Variants in RIT2 observed in about 807,000 individuals in gnomAD.
RIT2 encodes GTP-binding protein Rit2.
RIT2 carries 24 observed loss-of-function variants against 23.7 expected under a neutral mutation model. That is an observed-to-expected ratio of 1.01 (90% CI 0.73 to 1.43). The LOEUF is 1.43. Among genes scored for constraint, RIT2 ranks in the 40% most tolerant of loss-of-function variants. The pLI is 0.00. For synonymous variants in RIT2, 107 were observed against 91.1 expected (o/e 1.17, Z -0.99); for missense variants, 236 against 266.9 (o/e 0.88, Z 0.81).
At chr18:42,765,864 C>T (rs1360463931) in intron 4 of RIT2, among the ~76,000 whole-genome samples, 2 of 151,872 alleles carry the variant, frequency 1.3e-5, no homozygotes, top group Non-Finnish European at 2.9e-5. Flanking sequence ...CTGGTCTTTC[C>T]CGTGCTATTC....
intron 4 of RIT2, among the ~76,000 whole-genome samples, chr18:42,804,499 G>A (rs1905623707): frequency 6.9e-6 from 1 of 144,950 alleles, no homozygotes; most frequent in Admixed American, 7.2e-5. Context: ...AGATTGCAGT[G>A]AGCTGAGATT....
At chr18:43,063,088 T>A (rs1598767500) in intron 1 of RIT2, among the ~76,000 whole-genome samples, 1 of 152,282 alleles carries the variant, frequency 6.6e-6, no homozygotes, top group East Asian at 1.9e-4. Flanking sequence ...CAGATTTAGA[T>A]CAAACTATAC....
chr18:42,976,001 T>C (rs1210884011), intron 2 of RIT2, among the ~76,000 whole-genome samples: 1 of 152,152 alleles, frequency 6.6e-6, no homozygotes, highest in Non-Finnish European at 1.5e-5. Context: ...TGTGACTATT[T>C]TCTAATTTCC....
At chr18:43,078,656 G>C (rs1394422538) in intron 1 of RIT2, among the ~76,000 whole-genome samples, 1 of 152,194 alleles carries the variant, frequency 6.6e-6, no homozygotes, top group Non-Finnish European at 1.5e-5. Context: ...CATGGCCACA[G>C]GGTGCAGGCA....
intron 1 of RIT2, among the ~76,000 whole-genome samples, chr18:43,107,181 T>C (rs1322661613): frequency 6.6e-6 from 1 of 152,206 alleles, no homozygotes; most frequent in Non-Finnish European, 1.5e-5. Context: ...GAAAAATTCA[T>C]GCTCTAGAAA....
chr18:43,020,472 T>C (rs942101086), intron 2 of RIT2, among the ~76,000 whole-genome samples: 1 of 151,652 alleles, frequency 6.6e-6, no homozygotes, highest in African/African-American at 2.4e-5. Context: ...AGCAACAGAG[T>C]GAGACTCTGT....
intron 2 of RIT2, among the ~76,000 whole-genome samples, chr18:43,004,261 C>T (rs1911176479): frequency 1.3e-5 from 2 of 151,746 alleles, no homozygotes; most frequent in South Asian, 2.1e-4. Context: ...AGTCTCTGTT[C>T]CCTACACCTG....
At position 42,974,134 on chromosome 18, in the gene RIT2, C is replaced by T. The variant is rs1470745100; in HGVS notation, c.174G>A (p.Lys58=). The part of the protein sequence containing the change: ...YHDPTIEDAY[K]TQVRIDNEPA... ...GCTCATTGTCAATCCTGACCTGGGT[C>T]TTATAAGCATCTTCTGAAAAACACA... The change falls in exon 3 of 5, where the codon AAG becomes AAA. Residue 58 remains lysine, a synonymous_variant. Transcript: ENST00000326695. 1.2e-6 allele frequency: 2 copies of T among 1,610,312 alleles called. No homozygotes were observed. The highest frequency in any genetic ancestry group is 3.3e-5 in the Admixed American group (2 of 59,716).
At chr18:43,031,995 A>C (rs1177424244) in intron 2 of RIT2, among the ~76,000 whole-genome samples, 2 of 152,142 alleles carry the variant, frequency 1.3e-5, no homozygotes, top group Non-Finnish European at 2.9e-5. Flanking sequence ...TACCTTCTGC[A>C]AGCAGGATAC....
intron 2 of RIT2, among the ~76,000 whole-genome samples, chr18:43,014,336 A>T (rs933591224): frequency 5.3e-5 from 8 of 151,798 alleles, no homozygotes; most frequent in Admixed American, 1.3e-4. Context: ...TGCAAAGAGA[A>T]AAAGAGAAGA....
intron 4 of RIT2, among the ~76,000 whole-genome samples, chr18:42,872,478 C>G (rs1257106626): frequency 6.6e-6 from 1 of 152,156 alleles, no homozygotes; most frequent in Non-Finnish European, 1.5e-5. Context: ...GGATTTGCAT[C>G]CTGTGCCCAA....
intron 4 of RIT2, among the ~76,000 whole-genome samples, chr18:42,909,373 T>C (rs1008855392): frequency 2.0e-5 from 3 of 152,068 alleles, no homozygotes; most frequent in African/African-American, 7.2e-5. Context: ...TTGGGGACAG[T>C]GTACACGGCT....
At chr18:42,985,054 G>C (rs77235216) in intron 2 of RIT2, among the ~76,000 whole-genome samples, 4,901 of 152,042 alleles carry the variant, frequency 0.032, 259 homozygotes, top group African/African-American at 0.11. Context: ...AGAAAAACTA[G>C]ATTAAATAAA....
chr18:42,829,296 T>C (rs573977150), intron 4 of RIT2, among the ~76,000 whole-genome samples: 2 of 152,338 alleles, frequency 1.3e-5, no homozygotes, highest in East Asian at 3.9e-4. Flanking sequence ...ACATGATTTT[T>C]AGATCTAGAA....
chr18:42,799,988 C>T (rs908725921), intron 4 of RIT2, among the ~76,000 whole-genome samples: 8 of 151,904 alleles, frequency 5.3e-5, no homozygotes, highest in African/African-American at 1.9e-4. Flanking sequence ...TATATCTTTC[C>T]CTCCACGAAG....
intron 1 of RIT2, among the ~76,000 whole-genome samples, chr18:43,049,222 C>T (rs1912320191): frequency 6.6e-6 from 1 of 152,132 alleles, no homozygotes; most frequent in East Asian, 1.9e-4. Context: ...CTTTCATAAA[C>T]AATGACACAA....
intron 4 of RIT2, among the ~76,000 whole-genome samples, chr18:42,880,502 T>C (rs1479667161): frequency 6.6e-6 from 1 of 152,182 alleles, no homozygotes; most frequent in Non-Finnish European, 1.5e-5. Flanking sequence ...TGTTTTTGCC[T>C]TTGCTTGTGG....
chr18:42,801,301 A>C (rs2143962578), intron 4 of RIT2, among the ~76,000 whole-genome samples: 1 of 152,346 alleles, frequency 6.6e-6, no homozygotes, highest in East Asian at 1.9e-4. Context: ...GCTTGGTCTG[A>C]AAGTCTAAGC....
At chr18:42,971,154 A>G (rs1910352788) in intron 3 of RIT2, among the ~76,000 whole-genome samples, 1 of 152,072 alleles carries the variant, frequency 6.6e-6, no homozygotes, top group Non-Finnish European at 1.5e-5. Context: ...TTGAAAATTA[A>G]TAGTACCAAA....
Sources: gnomAD v4.1 joint callset for allele counts (sites outside exome capture counted in the v4.1 genomes callset) on GRCh38, gnomAD v4.1.1 for gene constraint, MANE v1.5 for transcripts, NCBI Gene and HGNC (gene_info 2026-07-23, HGNC 2026-07-21) for gene names.